GATB: variants seen among roughly 807,000 people sequenced by gnomAD.
GATB encodes glutamyl-tRNA amidotransferase subunit B, also known as glutamyl-tRNA(Gln) amidotransferase subunit B, mitochondrial.
Under a neutral mutation model 62.3 loss-of-function variants are expected in GATB, and 39 were observed. The observed-to-expected ratio is 0.63, with a 90% confidence interval of 0.48 to 0.82. GATB has a LOEUF of 0.82. Ranked by LOEUF, GATB falls within the 40% of genes least tolerant of loss-of-function variation. The pLI, the probability that GATB is intolerant of heterozygous loss-of-function variation, is 0.00. For missense variants in GATB, 670 were observed against 684.0 expected, an observed-to-expected ratio of 0.98 and a Z score of 0.23; for synonymous variants, 276 against 258.9, an observed-to-expected ratio of 1.07 and a Z score of -0.63.
At chr4:151,681,815 A>C (rs2126956937) in intron 10 of GATB, among the ~76,000 whole-genome samples, 1 of 152,310 alleles carries the variant, frequency 6.6e-6, no homozygotes, top group African/African-American at 2.4e-5. Flanking sequence ...CACTGGTGGC[A>C]CCTTCTTGCT....
intron 2 of GATB, among the ~76,000 whole-genome samples, chr4:151,731,131 CCT>C (rs1472878180): frequency 6.7e-6 from 1 of 150,038 alleles, no homozygotes; most frequent in Non-Finnish European, 1.5e-5. Flanking sequence ...CCACGGTCTC[CCT>C]CTCTCTTTCC....
At chr4:151,755,126 C>A (rs577915025) in intron 2 of GATB, among the ~76,000 whole-genome samples, 3 of 152,272 alleles carry the variant, frequency 2.0e-5, no homozygotes, top group South Asian at 4.1e-4. Context: ...TTACTACATG[C>A]AATTACTGTT....
intron 3 of GATB, 147 bp downstream of exon 3, chr4:151,719,278 G>A (rs1738978826): frequency 3.4e-6 from 2 of 592,426 alleles, no homozygotes; most frequent in South Asian, 4.0e-5. Flanking sequence ...GCCTGCATCA[G>A]GGCTGGGCCG....
chr4:151,719,336 A>C (rs1287546205), intron 3 of GATB, 89 bp downstream of exon 3: 1 of 903,582 alleles, frequency 1.1e-6, no homozygotes, highest in Non-Finnish European at 1.8e-6. Context: ...CATGAGAGGC[A>C]CAGCCCCTTT....
chr4:151,734,958 A>AGACCT (rs1739340664), intron 2 of GATB, among the ~76,000 whole-genome samples: 1 of 152,260 alleles, frequency 6.6e-6, no homozygotes, highest in Non-Finnish European at 1.5e-5. Context: ...CTTAAACCTA[A>AGACCT]GACCTGAAAC....
intron 2 of GATB, among the ~76,000 whole-genome samples, chr4:151,736,793 C>T (rs1287153587): frequency 6.6e-6 from 1 of 152,138 alleles, no homozygotes; most frequent in African/African-American, 2.4e-5. Context: ...GTGCTGTTCT[C>T]GTGATAGAGA....
At chr4:151,712,349 T>C (rs1175842738) in intron 5 of GATB, among the ~76,000 whole-genome samples, 1 of 152,216 alleles carries the variant, frequency 6.6e-6, no homozygotes, top group Non-Finnish European at 1.5e-5. Flanking sequence ...TTTACTTCAA[T>C]GCATTCTGCA....
intron 1 of GATB, among the ~76,000 whole-genome samples, chr4:151,759,722 G>A (rs1739912177): frequency 6.6e-6 from 1 of 152,020 alleles, no homozygotes; most frequent in Admixed American, 6.5e-5. Flanking sequence ...CCTTATAAAT[G>A]TGCTTATTCC....
chr4:151,741,150 T>C (rs1578935721), intron 2 of GATB, among the ~76,000 whole-genome samples: 2 of 152,274 alleles, frequency 1.3e-5, no homozygotes, highest in Non-Finnish European at 2.9e-5. Context: ...TCCATAGGTA[T>C]GTATGATGAA....
At chr4:151,758,386 C>T (rs60148713) in intron 2 of GATB, among the ~76,000 whole-genome samples, 1 of 152,148 alleles carries the variant, frequency 6.6e-6, no homozygotes. Flanking sequence ...CTCTGGGTTT[C>T]GAAATCATCC....
intron 11 of GATB, chr4:151,674,837 T>G (rs1479303196): frequency 2.0e-5 from 3 of 152,236 alleles, no homozygotes; most frequent in African/African-American, 7.2e-5. Context: ...CTGTAAGGAC[T>G]TGCTCGTGAA....
Position 151,761,003 on chromosome 4 carries a change from C to A in GATB, c.-21G>T. On this transcript the variant is annotated 5_prime_UTR_variant, in exon 1 of 13. Transcript: ENST00000263985. Reference sequence around the variant, plus strand: ...GCCATTGTAACTCCAGGGTCTTGGTCAGGTGACTCAGCCTCACTATGCCGC... The same window carrying A: ...GCCATTGTAACTCCAGGGTCTTGGTAAGGTGACTCAGCCTCACTATGCCGC... The A allele has an allele frequency of 6.3e-7, 1 of 1,587,994 alleles. No individual in the cohort carries two copies. Among genetic ancestry groups the A allele is most frequent in the Non-Finnish European group, 8.6e-7 (1 of 1,168,772 alleles).
chr4:151,679,299 A>G (rs4696104), intron 11 of GATB, among the ~76,000 whole-genome samples: 90,842 of 152,090 alleles, frequency 0.6, 29,668 homozygotes, highest in African/African-American at 0.88. Context: ...GGATGATGCT[A>G]TTTTTCTGAG....
intron 2 of GATB, among the ~76,000 whole-genome samples, chr4:151,741,627 C>A (rs1423480732): frequency 6.6e-6 from 1 of 152,188 alleles, no homozygotes; most frequent in East Asian, 1.9e-4. Flanking sequence ...ACTGCTGAGT[C>A]AGGGAGATGC....
intron 11 of GATB, chr4:151,674,610 G>A (rs1737956416): frequency 6.6e-6 from 1 of 151,940 alleles, no homozygotes; most frequent in African/African-American, 2.4e-5. Context: ...AACATACTTG[G>A]GATCATAACG....
intron 2 of GATB, among the ~76,000 whole-genome samples, chr4:151,734,207 C>T (rs1739323081): frequency 6.6e-6 from 1 of 152,146 alleles, no homozygotes; most frequent in Non-Finnish European, 1.5e-5. Flanking sequence ...AAAGACTTCT[C>T]CAGAAAGCTC....
intron 5 of GATB, among the ~76,000 whole-genome samples, chr4:151,714,958 C>A (rs998352890): frequency 4.6e-5 from 7 of 152,194 alleles, no homozygotes; most frequent in African/African-American, 1.4e-4. Flanking sequence ...AGCAAATAAG[C>A]AAGTTCTGTC....
chr4:151,678,136 T>TA (rs1380525437), intron 11 of GATB, among the ~76,000 whole-genome samples: 1 of 152,102 alleles, frequency 6.6e-6, no homozygotes, highest in Non-Finnish European at 1.5e-5. Flanking sequence ...AAGGCAATGA[T>TA]ACATCACGGG....
intron 9 of GATB, among the ~76,000 whole-genome samples, chr4:151,690,821 T>G (rs905157142): frequency 2.0e-5 from 3 of 152,174 alleles, no homozygotes; most frequent in Non-Finnish European, 4.4e-5. Context: ...GATACATAGT[T>G]TCAGTCCACA....
Sources: allele counts gnomAD v4.1 joint callset (sites outside exome capture counted in the v4.1 genomes callset), GRCh38; gene constraint gnomAD v4.1.1; transcripts MANE v1.5; gene names NCBI Gene and HGNC (gene_info 2026-07-23, HGNC 2026-07-21).